RANBP2: variants seen among roughly 807,000 people sequenced by gnomAD.
The protein encoded by RANBP2 is RAN binding protein 2.
In RANBP2, 57 loss-of-function variants were observed where a neutral mutation model predicts 303.6. The ratio of observed to expected loss-of-function variants is 0.19; its 90% CI spans 0.15 to 0.23. The LOEUF is 0.23. Among genes scored for constraint, RANBP2 ranks in the 10% least tolerant of loss-of-function variants. The pLI is 1.00. For missense variants in RANBP2, 3,138 were observed against 3,780.8 expected (o/e 0.83, Z 4.46); for synonymous variants, 1,167 against 1,301.5 (o/e 0.90, Z 2.23).
chr2:109,614,937 G>T, the RANBP2 span: 19 of 1,512,244 alleles, frequency 1.3e-5, no homozygotes, highest in Non-Finnish European at 1.5e-5. Context: ...GCCCCTGAGC[G>T]CCGGGGCTCG....
chr2:109,553,327 C>T, the RANBP2 span: 1 of 1,140,096 alleles, frequency 8.8e-7, no homozygotes, highest in Non-Finnish European at 1.2e-6. Context: ...GGTGGATCAC[C>T]TAAGGTCAGG....
the RANBP2 span, among the ~76,000 whole-genome samples, chr2:109,642,344 T>C: frequency 6.6e-6 from 1 of 152,242 alleles, no homozygotes; most frequent in African/African-American, 2.4e-5. Flanking sequence ...CCAGATTCAT[T>C]TACCACTTAC....
At chr2:108,850,382 C>A in the RANBP2 span, among the ~76,000 whole-genome samples, 1 of 152,018 alleles carries the variant, frequency 6.6e-6, no homozygotes, top group Non-Finnish European at 1.5e-5. Context: ...GAAGATAATA[C>A]CTAGTTATAT....
chr2:109,168,819 A>G, the RANBP2 span, among the ~76,000 whole-genome samples: 1 of 152,224 alleles, frequency 6.6e-6, no homozygotes, highest in Non-Finnish European at 1.5e-5. Flanking sequence ...CTGGTGGGCA[A>G]CTGTGTTTTT....
the RANBP2 span, among the ~76,000 whole-genome samples, chr2:109,319,307 A>G: frequency 2.0e-5 from 3 of 152,258 alleles, no homozygotes; most frequent in South Asian, 6.2e-4. Context: ...CTCTACATTT[A>G]TTTCCCCTCT....
the RANBP2 span, among the ~76,000 whole-genome samples, chr2:109,437,634 C>A: frequency 3.9e-5 from 6 of 152,110 alleles, no homozygotes; most frequent in African/African-American, 1.4e-4. Flanking sequence ...GGGTGAGACT[C>A]GGGCCCAGGC....
chr2:109,137,945 C>T, the RANBP2 span, among the ~76,000 whole-genome samples: 2 of 152,252 alleles, frequency 1.3e-5, no homozygotes, highest in African/African-American at 4.8e-5. Context: ...AGGCCGACTT[C>T]TGGAGGTGTT....
At chr2:108,942,726 C>T in the RANBP2 span, among the ~76,000 whole-genome samples, 1 of 152,272 alleles carries the variant, frequency 6.6e-6, no homozygotes, top group Non-Finnish European at 1.5e-5. Flanking sequence ...ACGAAGCCAG[C>T]TTCGCTCCCA....
chr2:108,892,274 C>G, the RANBP2 span, among the ~76,000 whole-genome samples: 4 of 152,184 alleles, frequency 2.6e-5, no homozygotes, highest in Non-Finnish European at 5.9e-5. Flanking sequence ...CCCTCCCACC[C>G]TGGCTGCAGG....
At chr2:108,951,273 A>G in the RANBP2 span, among the ~76,000 whole-genome samples, 1 of 152,234 alleles carries the variant, frequency 6.6e-6, no homozygotes, top group Non-Finnish European at 1.5e-5. Flanking sequence ...GGCCAATGCC[A>G]TGTAATTCCA....
the RANBP2 span, among the ~76,000 whole-genome samples, chr2:108,834,235 CAG>C: frequency 7.2e-6 from 1 of 138,628 alleles, no homozygotes. Context: ...TTTTTTGAGA[CAG>C]AGTCTCGCTC....
chr2:109,527,798 G>T, the RANBP2 span, among the ~76,000 whole-genome samples: 2 of 152,296 alleles, frequency 1.3e-5, no homozygotes, highest in Non-Finnish European at 2.9e-5. Flanking sequence ...TAGCAAGTTT[G>T]CTTTGCAACT....
chr2:108,925,744 A>G, the RANBP2 span, among the ~76,000 whole-genome samples: 1 of 152,044 alleles, frequency 6.6e-6, no homozygotes, highest in Non-Finnish European at 1.5e-5. Flanking sequence ...CAGCCTCCCA[A>G]GTAGCTGGGA....
chr2:108,759,690 T>C (rs1395494383), intron 18 of RANBP2, among the ~76,000 whole-genome samples: 2 of 152,094 alleles, frequency 1.3e-5, no homozygotes, highest in Admixed American at 6.5e-5. Flanking sequence ...GTATATGAAA[T>C]GTCTAACGTT....
chr2:108,809,488 GA>G, the RANBP2 span, among the ~76,000 whole-genome samples: 214 of 139,622 alleles, frequency 1.5e-3, 1 homozygote, highest in Non-Finnish European at 2.0e-3. Flanking sequence ...GTGTGTGTGT[GA>G]TCTTCAGTTT....
the RANBP2 span, among the ~76,000 whole-genome samples, chr2:108,909,867 C>T: frequency 2.6e-5 from 4 of 152,236 alleles, no homozygotes; most frequent in Admixed American, 6.5e-5. Flanking sequence ...AGCCTGGACT[C>T]GGACCCCAGC....
At chr2:108,907,806 G>A in the RANBP2 span, 22 of 1,603,170 alleles carry the variant, frequency 1.4e-5, no homozygotes, top group Admixed American at 5.0e-5. Context: ...TTAGTCTTGC[G>A]GCTGTGAGGG....
the RANBP2 span, among the ~76,000 whole-genome samples, chr2:109,368,662 T>C: frequency 6.7e-6 from 1 of 150,268 alleles, no homozygotes; most frequent in African/African-American, 2.4e-5. Flanking sequence ...GGCTCTAATT[T>C]CTAGACCAAT....
chr2:108,888,633 TG>T, the RANBP2 span, among the ~76,000 whole-genome samples: 1 of 152,102 alleles, frequency 6.6e-6, no homozygotes, highest in Non-Finnish European at 1.5e-5. Flanking sequence ...ATGATATTTT[TG>T]TAATTCTGTG....
Sources: gnomAD v4.1 joint callset for allele counts (sites outside exome capture counted in the v4.1 genomes callset) on GRCh38, gnomAD v4.1.1 for gene constraint, MANE v1.5 for transcripts, NCBI Gene and HGNC (gene_info 2026-07-23, HGNC 2026-07-21) for gene names.